The following DST variants were observed in gnomAD, a reference collection of about 807,000 sequenced individuals.
DST encodes bullous pemphigoid antigen.
DST carries 253 observed loss-of-function variants against 875.2 expected under a neutral mutation model. The observed-to-expected ratio is 0.29, with a 90% confidence interval of 0.26 to 0.32. DST has a LOEUF of 0.32. DST is among the 10% of genes least tolerant of loss of function. The pLI is 1.00. For missense variants in DST, 8,287 were observed against 9,111.6 expected (o/e 0.91, Z 3.68); for synonymous variants, 3,124 against 3,197.1 (o/e 0.98, Z 0.77).
intron 47 of DST, among the ~76,000 whole-genome samples, chr6:56,595,779 A>ACCCCCCCCCCC (rs559086079): frequency 6.9e-6 from 1 of 144,528 alleles, no homozygotes; most frequent in African/African-American, 2.9e-5. Context: ...TTCATATGCT[A>ACCCCCCCCCCC]CCCCCACCCC....
Position 56,573,044 on chromosome 6 carries a change from T to A in DST, c.13257A>T (p.Ala4419=). Residue 4419 remains alanine (A), a synonymous_variant, in exon 52 of 104, where the codon GCA becomes GCT. Coordinates refer to ENST00000680361, the MANE Select transcript of DST (RefSeq NM_001374736.1). ...SKNIMLEQDI[A]GRQSSINAMN... is the part of the protein sequence containing the mutation. ...TGGCATTTATACTGCTCTGACGACC[T>A]GCAATATCCTGTTCCAACATCTAAA... 6.3e-7 allele frequency: 1 copy of A among 1,576,680 alleles called. No homozygotes were observed. The highest frequency in any genetic ancestry group is 1.4e-5 in the African/African-American group (1 of 73,460).
chr6:56,839,875 T>G (rs1025743428), intron 4 of DST, among the ~76,000 whole-genome samples: 3 of 152,168 alleles, frequency 2.0e-5, no homozygotes, highest in Non-Finnish European at 4.4e-5. Context: ...AACAGCAGTT[T>G]GCAGGGGGTG....
At chr6:56,653,710 A>G (rs1168356639) in intron 10 of DST, among the ~76,000 whole-genome samples, 2 of 152,164 alleles carry the variant, frequency 1.3e-5, no homozygotes, top group African/African-American at 4.8e-5. Flanking sequence ...AACCACTATG[A>G]AAAAGTAATA....
intron 2 of DST, among the ~76,000 whole-genome samples, chr6:56,931,605 C>T (rs191018414): frequency 1.4e-4 from 22 of 152,320 alleles, no homozygotes; most frequent in Admixed American, 6.5e-4. Flanking sequence ...AGGAGGGAGG[C>T]TGTACCCTTC....
chr6:56,736,619 C>G (rs1320926517), intron 4 of DST, among the ~76,000 whole-genome samples: 1 of 152,144 alleles, frequency 6.6e-6, no homozygotes, highest in Admixed American at 6.5e-5. Context: ...TTCTTCATCT[C>G]TTTTTCTCCT....
intron 5 of DST, among the ~76,000 whole-genome samples, chr6:56,717,899 G>C (rs1448861582): frequency 6.6e-6 from 1 of 152,058 alleles, no homozygotes; most frequent in Non-Finnish European, 1.5e-5. Context: ...CTGTTTTGCT[G>C]GCTCTACATG....
At chr6:56,742,918 T>C (rs2099552326) in intron 4 of DST, among the ~76,000 whole-genome samples, 1 of 152,248 alleles carries the variant, frequency 6.6e-6, no homozygotes. Flanking sequence ...ACAATAATTC[T>C]GAGTTGGGTA....
At chr6:56,578,735 C>T in intron 50 of DST, 79 bp downstream of exon 50, 2 of 1,456,972 alleles carry the variant, frequency 1.4e-6, no homozygotes, top group Non-Finnish European at 9.4e-7. Context: ...AACTAGTGAA[C>T]ATTTTTCTCC....
At chr6:56,739,365 C>G (rs1049288874) in intron 4 of DST, among the ~76,000 whole-genome samples, 1 of 151,980 alleles carries the variant, frequency 6.6e-6, no homozygotes, top group Non-Finnish European at 1.5e-5. Flanking sequence ...AAAGCAAGAA[C>G]AAGGAAACAG....
intron 16 of DST, 118 bp from the exon 17 acceptor site, chr6:56,642,219 T>C: frequency 1.6e-5 from 15 of 959,866 alleles, no homozygotes; most frequent in Non-Finnish European, 2.4e-5. Context: ...TTTTCCTTGT[T>C]GGTTCAAAAA....
chr6:56,606,716 G>A lies in DST; in HGVS notation c.7912C>T (p.Pro2638Ser), dbSNP rs2098501662. Residue 2638 changes from proline (P) to serine (S), a missense_variant, in exon 40 of 104, where the codon CCT (proline) becomes TCT (serine). Physicochemically the swap from Pro to Ser is moderately conservative, Grantham distance 74 (BLOSUM62 -1). Coordinates refer to ENST00000680361, the MANE Select transcript of DST (RefSeq NM_001374736.1). ...TCTTGCAGTGTGTCGTAGTCCTCAG[G>A]GTGCAGGCAATCACGATCATCACCA... is the stretch of plus-strand genomic sequence containing the variant. ...LDGDDRDCLH[P>S]EDYDTLQEEN... 2 of 1,613,376 alleles carry A rather than the reference G, an allele frequency of 1.2e-6. No individual in the cohort carries two copies. Among genetic ancestry groups the A allele is most frequent in the Non-Finnish European group, 1.7e-6 (2 of 1,179,588 alleles).
At chr6:56,917,927 T>G (rs964653300) in intron 2 of DST, among the ~76,000 whole-genome samples, 17 of 152,220 alleles carry the variant, frequency 1.1e-4, no homozygotes, top group African/African-American at 4.1e-4. Context: ...GCAACCCTTT[T>G]TTGAACCCTA....
chr6:56,873,013 T>C (rs1005580032), intron 3 of DST, among the ~76,000 whole-genome samples: 14 of 152,148 alleles, frequency 9.2e-5, no homozygotes, highest in African/African-American at 3.4e-4. Flanking sequence ...GCATCTGTTA[T>C]TTTCTTTTTG....
intron 4 of DST, among the ~76,000 whole-genome samples, chr6:56,765,300 C>A (rs927836895): frequency 6.6e-6 from 1 of 152,186 alleles, no homozygotes; most frequent in Non-Finnish European, 1.5e-5. Context: ...CTGCAGATAT[C>A]ATTTGCCCCC....
chr6:56,647,430 C>G (rs968837272), intron 13 of DST, among the ~76,000 whole-genome samples: 2 of 152,178 alleles, frequency 1.3e-5, no homozygotes, highest in African/African-American at 4.8e-5. Context: ...GAAAGCTGTT[C>G]TACAGATATT....
At position 56,631,294 on chromosome 6, in the gene DST, T is replaced by A; in HGVS notation, c.4059A>T (p.Ser1353=). 2 of 1,614,010 alleles carry A rather than the reference T, an allele frequency of 1.2e-6. No homozygotes were observed. The highest frequency in any genetic ancestry group is 8.5e-7 in the Non-Finnish European group (1 of 1,179,928). ...TAAGCTCTGATCGTAGGGTAGGGAC[T>A]GATGAAGAGGCTGCTGCTTGACTGA... ...EFFSQAAASS[S]VPTLRSELNV... is the part of the protein sequence containing the mutation. Residue 1353 remains serine, a synonymous_variant, in exon 30 of 104, where the codon TCA becomes TCT. Transcript: ENST00000680361.
intron 3 of DST, among the ~76,000 whole-genome samples, chr6:56,876,359 T>G (rs1779624235): frequency 6.6e-6 from 1 of 152,218 alleles, no homozygotes; most frequent in South Asian, 2.1e-4. Flanking sequence ...GGCCCCATTC[T>G]GGATGATCAC....
At chr6:56,892,277 T>A (rs1484210416) in intron 3 of DST, among the ~76,000 whole-genome samples, 2 of 151,306 alleles carry the variant, frequency 1.3e-5, no homozygotes, top group African/African-American at 4.9e-5. Context: ...TTTTGCTTAC[T>A]CCACTTCCCG....
chr6:56,578,932 C>A lies in DST; in HGVS notation c.12909G>T (p.Leu4303Phe). ...LQRQLEETKA[L>F]QGQISSQQVA... The stretch of plus-strand genomic sequence containing the variant: ...CCTGCTGACTTGATATCTGTCCTTG[C>A]AAAGCCTGTAGGATTAAACGCTTTT... The change falls in exon 50 of 104, where the codon TTG becomes TTT. Residue 4303 changes from leucine (L) to phenylalanine (F), a missense_variant. Physicochemically the swap from Leu to Phe is conservative, Grantham distance 22 (BLOSUM62 0). Coordinates refer to ENST00000680361, the MANE Select transcript of DST (RefSeq NM_001374736.1). 1 of 1,592,988 alleles carries A rather than the reference C, an allele frequency of 6.3e-7. No individual in the cohort carries two copies. Among genetic ancestry groups the A allele is most frequent in the South Asian group, 1.1e-5 (1 of 87,738 alleles).
Sources: allele counts gnomAD v4.1 joint callset (sites outside exome capture counted in the v4.1 genomes callset), GRCh38; gene constraint gnomAD v4.1.1; transcripts MANE v1.5; gene names NCBI Gene and HGNC (gene_info 2026-07-23, HGNC 2026-07-21).